TSC22D1: variants seen among roughly 807,000 people sequenced by gnomAD.
TSC22D1 encodes TSC22 domain family protein 1.
In TSC22D1, 9 loss-of-function variants were observed where a neutral mutation model predicts 74.2. That is an observed-to-expected ratio of 0.12 (90% CI 0.07 to 0.21). The LOEUF (loss-of-function observed/expected upper bound fraction) is 0.21. Ranked by LOEUF, TSC22D1 falls within the 10% of genes least tolerant of loss-of-function variation. The pLI is 1.00. For missense variants in TSC22D1, 1,427 were observed against 1,304.7 expected (o/e 1.09, Z -1.44); for synonymous variants, 586 against 492.5 (o/e 1.19, Z -2.51).
chr13:44,518,144 C>G (rs1263582963), intron 1 of TSC22D1, among the ~76,000 whole-genome samples: 1 of 150,936 alleles, frequency 6.6e-6, no homozygotes, highest in African/African-American at 2.4e-5. Flanking sequence ...GAGCCACCAC[C>G]CCTAGCCCCT....
At chr13:44,544,735 C>T (rs1478210996) in intron 1 of TSC22D1, among the ~76,000 whole-genome samples, 2 of 152,016 alleles carry the variant, frequency 1.3e-5, no homozygotes, top group African/African-American at 2.4e-5. Context: ...TATATTTTCT[C>T]TTCAACCTTT....
intron 1 of TSC22D1, among the ~76,000 whole-genome samples, chr13:44,491,623 AC>A (rs1349747480): frequency 6.6e-6 from 1 of 152,138 alleles, no homozygotes; most frequent in African/African-American, 2.4e-5. Context: ...GTAAATAAGT[AC>A]AATCCAAAAA....
intron 1 of TSC22D1, among the ~76,000 whole-genome samples, chr13:44,566,634 AACAC>A: frequency 6.6e-6 from 1 of 152,292 alleles, no homozygotes; most frequent in South Asian, 2.1e-4. Flanking sequence ...AATGATACTA[AACAC>A]ACACATCTAT....
chr13:44,463,324 C>T (rs1013706148), intron 1 of TSC22D1, among the ~76,000 whole-genome samples: 6 of 152,198 alleles, frequency 3.9e-5, no homozygotes, highest in Non-Finnish European at 7.4e-5. Context: ...AACATCCATA[C>T]ATCAAATTCA....
intron 1 of TSC22D1, among the ~76,000 whole-genome samples, chr13:44,533,905 T>C (rs370871796): frequency 1.4e-3 from 206 of 152,342 alleles, no homozygotes; most frequent in African/African-American, 4.2e-3. Context: ...ATTCACATTA[T>C]CACTTTTTCT....
chr13:44,510,182 G>A (rs925718726), intron 1 of TSC22D1, among the ~76,000 whole-genome samples: 2 of 150,552 alleles, frequency 1.3e-5, no homozygotes, highest in Non-Finnish European at 3.0e-5. Context: ...TCGGGAGATC[G>A]AGACCAGCCT....
At chr13:44,521,607 T>C (rs1880318985) in intron 1 of TSC22D1, among the ~76,000 whole-genome samples, 1 of 151,610 alleles carries the variant, frequency 6.6e-6, no homozygotes, top group South Asian at 2.1e-4. Context: ...AACAGTTGGC[T>C]GTAATCACTC....
chr13:44,451,122 A>G (rs1876095402), intron 1 of TSC22D1, among the ~76,000 whole-genome samples: 1 of 152,232 alleles, frequency 6.6e-6, no homozygotes, highest in African/African-American at 2.4e-5. Context: ...CAGGCACCCT[A>G]AGGTGCCAGC....
At chr13:44,503,057 G>C (rs1385434628) in intron 1 of TSC22D1, among the ~76,000 whole-genome samples, 1 of 152,154 alleles carries the variant, frequency 6.6e-6, no homozygotes, top group African/African-American at 2.4e-5. Context: ...AAAGAAAAGT[G>C]AATTCAAATA....
intron 1 of TSC22D1, among the ~76,000 whole-genome samples, chr13:44,459,668 T>C (rs1876887414): frequency 6.6e-6 from 1 of 152,198 alleles, no homozygotes; most frequent in Admixed American, 6.5e-5. Flanking sequence ...CCCAGGGCTG[T>C]GACACCCTCT....
At chr13:44,558,071 C>A (rs771373495) in intron 1 of TSC22D1, among the ~76,000 whole-genome samples, 1 of 152,038 alleles carries the variant, frequency 6.6e-6, no homozygotes, top group Non-Finnish European at 1.5e-5. Context: ...AAATAGTGAC[C>A]GAAATAACCA....
At chr13:44,441,816 T>TA (rs2138871464) in intron 1 of TSC22D1, among the ~76,000 whole-genome samples, 1 of 152,296 alleles carries the variant, frequency 6.6e-6, no homozygotes, top group Non-Finnish European at 1.5e-5. Flanking sequence ...GAAAGGTTTA[T>TA]AGGGATCTGC....
chr13:44,576,812 T>C (rs1884285572), upstream of TSC22D1, among the ~76,000 whole-genome samples: 1 of 150,962 alleles, frequency 6.6e-6, no homozygotes, highest in South Asian at 2.1e-4. Context: ...AGACGCCGGG[T>C]CCTCGCGGAG....
intron 1 of TSC22D1, among the ~76,000 whole-genome samples, chr13:44,495,322 G>A (rs891070951): frequency 8.6e-5 from 13 of 150,856 alleles, no homozygotes; most frequent in Non-Finnish European, 1.8e-4. Flanking sequence ...CAGTCTAACG[G>A]TAATTCTATA....
chr13:44,507,429 AG>A (rs1879494460), intron 1 of TSC22D1, among the ~76,000 whole-genome samples: 1 of 152,118 alleles, frequency 6.6e-6, no homozygotes, highest in Non-Finnish European at 1.5e-5. Context: ...CAAACTAAGG[AG>A]ATGTTTTCAA....
At chr13:44,565,220 G>GT (rs1883293598) in intron 1 of TSC22D1, among the ~76,000 whole-genome samples, 1 of 152,148 alleles carries the variant, frequency 6.6e-6, no homozygotes, top group Non-Finnish European at 1.5e-5. Context: ...GGAAAAGGTA[G>GT]TAAGTATAAA....
At chr13:44,447,882 C>T (rs1875817182) in intron 1 of TSC22D1, among the ~76,000 whole-genome samples, 1 of 136,032 alleles carries the variant, frequency 7.4e-6, no homozygotes, top group African/African-American at 2.7e-5. Context: ...TTAAGAGGAA[C>T]TACTGCAATG....
In TSC22D1 at chr13:44,535,618, C is replaced by CAAA. The variant is rs542305138; in HGVS notation, c.2912+37542_2912+37544dup. Among the ~76,000 whole-genome samples, 259 of 144,318 alleles carry CAAA rather than the reference C, an allele frequency of 1.8e-3. 2 individuals carry two copies. Among genetic ancestry groups the CAAA allele is most frequent in the African/African-American group, 6.5e-3 (243 of 37,106 alleles). The allele number at this position is 144,318 out of a possible 152,430, so 94.7% of individuals were successfully genotyped here. A position where few individuals can be genotyped will look rare whatever the true frequency, so the allele number is the denominator to read the frequency against. On this transcript the variant is annotated intron_variant, in intron 1 of 2. Coordinates refer to ENST00000458659, the MANE Select transcript of TSC22D1 (RefSeq NM_183422.4). ...GTCATGTTTTTTTAAACAGAAGCTA[C>CAAA]AAAAAACAAACAAACAAACAAACAA...
intron 1 of TSC22D1, among the ~76,000 whole-genome samples, chr13:44,521,489 G>T (rs1212292335): frequency 6.6e-6 from 1 of 151,422 alleles, no homozygotes; most frequent in African/African-American, 2.4e-5. Flanking sequence ...CCCTCCACCC[G>T]GTCTTGATAG....
Sources: allele counts gnomAD v4.1 joint callset (sites outside exome capture counted in the v4.1 genomes callset), GRCh38; gene constraint gnomAD v4.1.1; transcripts MANE v1.5; gene names NCBI Gene and HGNC (gene_info 2026-07-23, HGNC 2026-07-21).